NAV3: variants seen among roughly 807,000 people sequenced by gnomAD.
NAV3 encodes the protein neuron navigator 3.
A neutral mutation model predicts 244.7 loss-of-function variants in NAV3; 87 were observed. That is an observed-to-expected ratio of 0.36 (90% CI 0.30 to 0.42). The LOEUF (loss-of-function observed/expected upper bound fraction) is 0.42. Among genes scored for constraint, NAV3 ranks in the 20% least tolerant of loss-of-function variants. NAV3 has a pLI of 1.00. For missense variants in NAV3, 2,663 were observed against 2,893.3 expected (o/e 0.92, Z 1.83); for synonymous variants, 1,126 against 1,042.2 (o/e 1.08, Z -1.55).
chr12:77,937,182 G>T (rs569529414), intron 1 of NAV3, among the ~76,000 whole-genome samples: 2 of 152,224 alleles, frequency 1.3e-5, no homozygotes, highest in Admixed American at 1.3e-4. Flanking sequence ...TATAGCCATT[G>T]CTCTCACTGA....
At chr12:77,899,401 C>T (rs1731745) in intron 1 of NAV3, among the ~76,000 whole-genome samples, 16,805 of 152,212 alleles carry the variant, frequency 0.11, 1,070 homozygotes, top group South Asian at 0.2. Context: ...ATTTCATCAA[C>T]CACCACCCTG....
chr12:77,607,270 A>G (rs1239894518), intron 2 of NAV3, among the ~76,000 whole-genome samples: 2 of 152,048 alleles, frequency 1.3e-5, no homozygotes, highest in African/African-American at 4.8e-5. Flanking sequence ...AGTTTTATCT[A>G]CGCTATAATT....
At chr12:77,848,602 C>T (rs1265427099) in intron 1 of NAV3, among the ~76,000 whole-genome samples, 1 of 152,178 alleles carries the variant, frequency 6.6e-6, no homozygotes, top group Non-Finnish European at 1.5e-5. Context: ...AAGTTGGAGA[C>T]ACACAGGAAC....
chr12:77,659,156 A>G (rs1347160290), intron 2 of NAV3, among the ~76,000 whole-genome samples: 2 of 151,802 alleles, frequency 1.3e-5, no homozygotes, highest in African/African-American at 2.4e-5. Context: ...AGAAACTACC[A>G]TCAGAGTGAA....
In NAV3 at chr12:77,971,318, T is replaced by A. The variant is rs561301147; in HGVS notation, c.671+2616T>A. 4.6e-5 allele frequency among the ~76,000 whole-genome samples: 7 copies of A among 152,226 alleles called. No homozygotes were observed. In the East Asian group the frequency reaches 1.2e-3, roughly 25 times the overall value. ...AATTACTTTTTGAATTGATATATAA[T>A]TTAATAAATGTTTATAGAGTAACAG... On this transcript the variant is annotated intron_variant, in intron 5 of 39. Coordinates refer to ENST00000397909, the MANE Select transcript of NAV3 (RefSeq NM_001024383.2).
chr12:77,970,414 C>T (rs1892899893), intron 5 of NAV3, among the ~76,000 whole-genome samples: 1 of 152,152 alleles, frequency 6.6e-6, no homozygotes, highest in Non-Finnish European at 1.5e-5. Flanking sequence ...AACCAACCCT[C>T]ATATGGATTT....
Position 78,190,090 on chromosome 12 carries a change from C to T in NAV3, c.6162C>T (p.Leu2054=). The change falls in exon 34 of 40, where the codon CTC becomes CTT. Residue 2054 remains leucine (L), a synonymous_variant. Coordinates refer to ENST00000397909, the MANE Select transcript of NAV3 (RefSeq NM_001024383.2). ...NLLMEHHRII[L]SGPSGTGKTY... ...TGATGGAGCATCACAGAATTATACT[C>T]TCAGGACCGAGTGGTACTGGAAAGA... 1 of 1,613,146 alleles carries T rather than the reference C, an allele frequency of 6.2e-7. No homozygotes were observed. Among genetic ancestry groups the T allele is most frequent in the Non-Finnish European group, 8.5e-7 (1 of 1,179,500 alleles).
chr12:78,175,070 C>T (rs754970762), intron 24 of NAV3, among the ~76,000 whole-genome samples: 1 of 151,916 alleles, frequency 6.6e-6, no homozygotes, highest in East Asian at 1.9e-4. Flanking sequence ...CATTAAACTG[C>T]CAGGGCTATG....
At chr12:78,091,795 C>CGAAAAAAAAAAAAAAAAA (rs1953953750) in intron 12 of NAV3, 1 of 103,884 alleles carries the variant, frequency 9.6e-6, no homozygotes, top group East Asian at 2.4e-4. Flanking sequence ...GACTCCGTCT[C>CGAAAAAAAAAAAAAAAAA]AAAAAAAAAA....
intron 18 of NAV3, chr12:78,130,350 A>G (rs1333606139): frequency 1.4e-5 from 3 of 216,680 alleles, no homozygotes; most frequent in Admixed American, 4.2e-5. Flanking sequence ...TCTGAGGCCA[A>G]AGTCTCTGGT....
intron 12 of NAV3, among the ~76,000 whole-genome samples, chr12:78,075,809 T>C (rs1466090028): frequency 1.3e-5 from 2 of 152,204 alleles, no homozygotes; most frequent in African/African-American, 4.8e-5. Flanking sequence ...CTATTAATTA[T>C]TTTCATGACT....
chr12:77,777,227 TTAACAA>T (rs1484216275), intron 2 of NAV3, among the ~76,000 whole-genome samples: 1 of 152,108 alleles, frequency 6.6e-6, no homozygotes. Flanking sequence ...TACTAGGAGA[TTAACAA>T]TAATAACAAA....
intron 12 of NAV3, among the ~76,000 whole-genome samples, chr12:78,070,030 T>C (rs1293036414): frequency 1.3e-5 from 2 of 152,130 alleles, no homozygotes; most frequent in Non-Finnish European, 2.9e-5. Flanking sequence ...TTATGAAACT[T>C]AATTAAATAT....
At chr12:78,151,861 A>G (rs1957092801) in intron 22 of NAV3, among the ~76,000 whole-genome samples, 1 of 151,024 alleles carries the variant, frequency 6.6e-6, no homozygotes, top group Admixed American at 6.6e-5. Context: ...TCTTGTGTAT[A>G]TAATTATAAA....
chr12:77,883,885 A>T (rs1592890714), intron 1 of NAV3, among the ~76,000 whole-genome samples: 1 of 152,114 alleles, frequency 6.6e-6, no homozygotes, highest in African/African-American at 2.4e-5. Context: ...CCTAGAAAAA[A>T]TGTGATTGTA....
intron 2 of NAV3, among the ~76,000 whole-genome samples, chr12:77,744,514 C>T (rs1046350747): frequency 1.3e-5 from 2 of 151,776 alleles, no homozygotes; most frequent in Non-Finnish European, 2.9e-5. Context: ...GGTATCTACC[C>T]GATGGAAAAT....
intron 30 of NAV3, among the ~76,000 whole-genome samples, chr12:78,183,888 C>A (rs1958600910): frequency 6.6e-6 from 1 of 151,834 alleles, no homozygotes; most frequent in African/African-American, 2.4e-5. Context: ...ATTCCTGCTA[C>A]CCTAAACATC....
chr12:77,927,655 C>T (rs1254318177), intron 1 of NAV3, among the ~76,000 whole-genome samples: 1 of 152,192 alleles, frequency 6.6e-6, no homozygotes, highest in East Asian at 1.9e-4. Context: ...CCTTTCTTGT[C>T]ATACTGCTGG....
intron 2 of NAV3, among the ~76,000 whole-genome samples, chr12:77,728,598 G>A (rs1876985709): frequency 6.6e-6 from 1 of 151,906 alleles, no homozygotes; most frequent in Admixed American, 6.6e-5. Context: ...GATGGAAAGG[G>A]TAAGAGTGAG....
Sources: gnomAD v4.1 joint callset for allele counts (sites outside exome capture counted in the v4.1 genomes callset) on GRCh38, gnomAD v4.1.1 for gene constraint, MANE v1.5 for transcripts, NCBI Gene and HGNC (gene_info 2026-07-23, HGNC 2026-07-21) for gene names.